The following CLIP2 variants were observed in gnomAD, a reference collection of about 807,000 sequenced individuals.
CLIP2 encodes CAP-Gly domain containing linker protein 2.
Under a neutral mutation model 111.7 loss-of-function variants are expected in CLIP2, and 41 were observed. The ratio of observed to expected loss-of-function variants is 0.37; its 90% CI spans 0.29 to 0.48. The LOEUF is 0.48. CLIP2 is among the 20% of genes least tolerant of loss of function. The pLI is 0.99. For synonymous variants in CLIP2, 660 were observed against 644.2 expected (o/e 1.02, Z -0.37); for missense variants, 1,160 against 1,422.1 (o/e 0.82, Z 2.96).
rs781900487 is a variant in CLIP2 at position 74,353,964 on chromosome 7, G to A, written c.763G>A (p.Glu255Lys). 4.3e-6 allele frequency: 7 copies of A among 1,613,946 alleles called. No homozygotes were observed. Among genetic ancestry groups the A allele is most frequent in the African/African-American group, 4.0e-5 (3 of 74,916 alleles). Reference sequence around the variant, plus strand: ...CGAGTGGTGTGGCGTGGAGCTGGACGAGCCCCTTGGGAAGAATGATGGGGC... The same window carrying A: ...CGAGTGGTGTGGCGTGGAGCTGGACAAGCCCCTTGGGAAGAATGATGGGGC... ...KGEWCGVELD[E>K]PLGKNDGAVA... The change falls in exon 4 of 17, where the codon GAG (glutamate) becomes AAG (lysine). Residue 255 changes from glutamate (E) to lysine (K), a missense_variant. Glu to Lys is a moderately conservative substitution (Grantham distance 56, BLOSUM62 1). Transcript: ENST00000223398.
chr7:74,398,395 C>T (rs2116708764), intron 14 of CLIP2, among the ~76,000 whole-genome samples: 1 of 152,258 alleles, frequency 6.6e-6, no homozygotes, highest in South Asian at 2.1e-4. Context: ...CCATCCCCAT[C>T]CCATCCTCCT....
chr7:74,296,956 C>T (rs1788186514), intron 1 of CLIP2, among the ~76,000 whole-genome samples: 3 of 152,160 alleles, frequency 2.0e-5, no homozygotes, highest in Admixed American at 2.0e-4. Context: ...TCCCTAAGAC[C>T]AGCATTTGTT....
chr7:74,306,940 G>A (rs138512744), intron 1 of CLIP2, among the ~76,000 whole-genome samples: 23 of 152,316 alleles, frequency 1.5e-4, no homozygotes, highest in Admixed American at 6.5e-4. Flanking sequence ...CGCCTCCCAC[G>A]TCGGCCACAG....
At chr7:74,367,423 C>G (rs934596730) in intron 8 of CLIP2, among the ~76,000 whole-genome samples, 12 of 152,312 alleles carry the variant, frequency 7.9e-5, no homozygotes, top group African/African-American at 2.6e-4. Context: ...ATCTCCTGAC[C>G]TCATGATTCG....
At chr7:74,317,167 G>A (rs1189216463) in intron 1 of CLIP2, among the ~76,000 whole-genome samples, 1 of 152,188 alleles carries the variant, frequency 6.6e-6, no homozygotes, top group African/African-American at 2.4e-5. Context: ...GGGAAGGCAG[G>A]CAGAGGTCAT....
rs1307606338 is a variant in CLIP2 at position 74,404,684 on chromosome 7, G to A, written c.*836G>A. ...AGCTCAGAGTGGAGGCTCTAGGCAG[G>A]TTTGACAAAGGTCAGTAATACGGTT... On this transcript the variant is annotated 3_prime_UTR_variant, in exon 17 of 17. Coordinates refer to ENST00000223398, the MANE Select transcript of CLIP2 (RefSeq NM_003388.5). 1 of 152,578 alleles carries A rather than the reference G, an allele frequency of 6.6e-6. No individual in the cohort carries two copies. The highest frequency in any genetic ancestry group is 1.9e-4 in the East Asian group (1 of 5,184). 9.5% of individuals were successfully genotyped at this position (152,578 alleles called of 1,614,324 possible). A position where few individuals can be genotyped will look rare whatever the true frequency, so the allele number is the denominator to read the frequency against.
chr7:74,360,276 G>T lies in CLIP2; in HGVS notation c.1317G>T (p.Arg439Ser). 6.3e-7 allele frequency: 1 copy of T among 1,593,496 alleles called. No homozygotes were observed. Among genetic ancestry groups the T allele is most frequent in the South Asian group, 1.1e-5 (1 of 87,840 alleles). ...TGTCCAACCAGCTGGAGGAGGAGAG[G>T]AGGTACGTGCTGGCCCACCCTCGCC... Reference protein sequence around the residue: ...VDLSNQLEEERRKVEDLQFRV... With the variant: ...VDLSNQLEEESRKVEDLQFRV... Residue 439 changes from arginine (R) to serine (S), a missense_variant and splice_region_variant, in exon 7 of 17, where the codon AGG becomes AGT. Physicochemically the swap from Arg to Ser is moderately radical, Grantham distance 110. Coordinates refer to ENST00000223398, the MANE Select transcript of CLIP2 (RefSeq NM_003388.5).
chr7:74,382,029 A>T (rs952835623), intron 11 of CLIP2, among the ~76,000 whole-genome samples: 1 of 152,196 alleles, frequency 6.6e-6, no homozygotes, highest in Non-Finnish European at 1.5e-5. Flanking sequence ...GAAAGGTAAA[A>T]GGTGTAACTT....
At chr7:74,401,035 G>C (rs1554317531) in intron 15 of CLIP2, among the ~76,000 whole-genome samples, 2 of 151,566 alleles carry the variant, frequency 1.3e-5, no homozygotes, top group Non-Finnish European at 2.9e-5. Flanking sequence ...AGTCTGAAAG[G>C]GAAGGCATCT....
chr7:74,367,433 G>A (rs1454975404), intron 8 of CLIP2, among the ~76,000 whole-genome samples: 5 of 151,964 alleles, frequency 3.3e-5, no homozygotes, highest in East Asian at 1.9e-4. Flanking sequence ...CTCATGATTC[G>A]CCCGCCTCAG....
In CLIP2 at chr7:74,405,088, T is replaced by G. The variant is rs550024639; in HGVS notation, c.*1240T>G. ...TCCAGCCCCATCTCCTAACGGGGGC[T>G]GGGGGTAAGAGAAATCTAACTGCGC... On this transcript the variant is annotated 3_prime_UTR_variant, in exon 17 of 17. Coordinates refer to ENST00000223398, the MANE Select transcript of CLIP2 (RefSeq NM_003388.5). 1 of 152,180 alleles carries G rather than the reference T, an allele frequency of 6.6e-6. No individual in the cohort carries two copies. The highest frequency in any genetic ancestry group is 1.5e-5 in the Non-Finnish European group (1 of 68,054). The allele number at this position is 152,180 out of a possible 1,614,324, so 9.4% of individuals were successfully genotyped here.
At position 74,352,336 on chromosome 7, in the gene CLIP2, C is replaced by G. The variant is rs139864058; in HGVS notation, c.679-1544C>G. On this transcript the variant is annotated intron_variant, in intron 3 of 16. Coordinates refer to ENST00000223398, the MANE Select transcript of CLIP2 (RefSeq NM_003388.5). The stretch of plus-strand genomic sequence containing the variant: ...CCTGTAGTCTCAGCTAATCAGGAGG[C>G]TGAGGCAGGAGAATCACTTGAACTC... Among the ~76,000 whole-genome samples, 187 of 152,088 alleles carry G rather than the reference C, an allele frequency of 1.2e-3. 2 individuals carry two copies. Among genetic ancestry groups the G allele is most frequent in the African/African-American group, 4.1e-3 (169 of 41,478 alleles).
chr7:74,371,591 AAGAGAAGG>A (rs1359614323), intron 8 of CLIP2, among the ~76,000 whole-genome samples: 6 of 141,370 alleles, frequency 4.2e-5, no homozygotes, highest in African/African-American at 7.8e-5. Context: ...GAGAGGGGAA[AAGAGAAGG>A]AGAGAAGGAG....
rs71094774 is a variant in CLIP2, at chr7:74,310,036, C to CAAAAAA, written c.-67-7407_-67-7402dup. On this transcript the variant is annotated intron_variant, in intron 1 of 16. Coordinates refer to ENST00000223398, the MANE Select transcript of CLIP2 (RefSeq NM_003388.5). Reference sequence around the variant, plus strand: ...GCAATATGGCAAGACCCTGTCTCTACAAAAAAAAAAAAAAAAAAAAAAAAA... The same window carrying CAAAAAA: ...GCAATATGGCAAGACCCTGTCTCTACAAAAAAAAAAAAAAAAAAAAAAAAAAAAAAA... 1.6e-3 allele frequency among the ~76,000 whole-genome samples: 150 copies of CAAAAAA among 92,448 alleles called. 13 individuals carry two copies. The highest frequency in any genetic ancestry group is 3.1e-3 in the African/African-American group (51 of 16,212). 60.6% of individuals were successfully genotyped at this position (92,448 alleles called of 152,430 possible). A position where few individuals can be genotyped will look rare whatever the true frequency, so the allele number is the denominator to read the frequency against.
chr7:74,393,791 C>A (rs1188581754), intron 13 of CLIP2, among the ~76,000 whole-genome samples: 10 of 152,158 alleles, frequency 6.6e-5, no homozygotes, highest in Admixed American at 6.6e-4. Flanking sequence ...AAACTGTAGC[C>A]CTGCCCAGGA....
intron 3 of CLIP2, among the ~76,000 whole-genome samples, chr7:74,352,985 A>C (rs1433890699): frequency 6.6e-6 from 1 of 151,576 alleles, no homozygotes; most frequent in Non-Finnish European, 1.5e-5. Flanking sequence ...TGTGTCTACA[A>C]AAAATTTTTT....
intron 11 of CLIP2, among the ~76,000 whole-genome samples, chr7:74,385,493 G>A (rs1384267336): frequency 6.6e-6 from 1 of 150,566 alleles, no homozygotes; most frequent in African/African-American, 2.4e-5. Context: ...GGTTAAAATC[G>A]TGTTGGTATT....
In CLIP2 at chr7:74,389,098, C is replaced by A; in HGVS notation, c.2564-5C>A. On this transcript the variant is annotated splice_polypyrimidine_tract_variant and splice_region_variant and intron_variant, in intron 12 of 16. Transcript: ENST00000223398. ...CTTCCTCCCTTCCCTGCCGGCTGAC[C>A]CCAGCGCTGGAGAGCAAGTGTAAGT... 1.2e-6 allele frequency: 2 copies of A among 1,604,668 alleles called. No individual in the cohort carries two copies. Among genetic ancestry groups the A allele is most frequent in the Non-Finnish European group, 1.7e-6 (2 of 1,176,176 alleles).
At chr7:74,339,742 C>T (rs782275730) in intron 3 of CLIP2, among the ~76,000 whole-genome samples, 1 of 152,148 alleles carries the variant, frequency 6.6e-6, no homozygotes, top group Non-Finnish European at 1.5e-5. Context: ...AGCTCATCCA[C>T]ATGCATGTGC....
Sources: allele counts gnomAD v4.1 joint callset (sites outside exome capture counted in the v4.1 genomes callset), GRCh38; gene constraint gnomAD v4.1.1; transcripts MANE v1.5; gene names NCBI Gene and HGNC (gene_info 2026-07-23, HGNC 2026-07-21).